The following RNF212B variants were observed in gnomAD, a reference collection of about 807,000 sequenced individuals.
RNF212B encodes ring finger protein 212B, also known as E3 ubiquitin-protein ligase RNF212B.
In RNF212B, 52 loss-of-function variants were observed where a neutral mutation model predicts 55.5. That is an observed-to-expected ratio of 0.94 (90% CI 0.75 to 1.18). RNF212B has a LOEUF of 1.18. Ranked by LOEUF, RNF212B falls within the 50% of genes most tolerant of loss-of-function variation. RNF212B has a pLI of 0.00. For synonymous variants in RNF212B, 99 were observed against 121.4 expected (o/e 0.82, Z 1.21); for missense variants, 289 against 350.4 (o/e 0.82, Z 1.40).
At chr14:23,266,831 TA>T (rs1157649148) in intron 11 of RNF212B, among the ~76,000 whole-genome samples, 3 of 152,264 alleles carry the variant, frequency 2.0e-5, no homozygotes, top group Non-Finnish European at 4.4e-5. Context: ...TAGAGTCTGC[TA>T]GGTTTAGCTA....
intron 2 of RNF212B, among the ~76,000 whole-genome samples, chr14:23,201,806 G>T (rs1387602340): frequency 6.6e-6 from 1 of 152,062 alleles, no homozygotes; most frequent in Non-Finnish European, 1.5e-5. Context: ...ATTGAGAGAG[G>T]GGACTTAATT....
intron 4 of RNF212B, among the ~76,000 whole-genome samples, chr14:23,258,287 G>A (rs999160453): frequency 2.7e-5 from 4 of 147,690 alleles, no homozygotes; most frequent in African/African-American, 7.6e-5. Context: ...ACGGTGAGCC[G>A]AGATCGCACT....
At position 23,253,515 on chromosome 14, in the gene RNF212B, A is replaced by G. The variant is rs76042481; in HGVS notation, c.229-5034A>G. On this transcript the variant is annotated intron_variant, in intron 4 of 14. Coordinates refer to ENST00000430154, the MANE Select transcript of RNF212B (RefSeq NM_001282322.3). ...TTAGGTAAGTTTAGGGTTTATCACC[A>G]TCATTGGTTTGGGGGCGGGGAAAGG... 6.5e-3 allele frequency among the ~76,000 whole-genome samples: 988 copies of G among 152,136 alleles called. 12 individuals are homozygous for G. The highest frequency in any genetic ancestry group is 0.022 in the African/African-American group (930 of 41,524).
chr14:23,244,555 G>C lies in RNF212B; in HGVS notation c.228+159G>C, dbSNP rs544667362. Among the ~76,000 whole-genome samples the C allele has an allele frequency of 3.9e-5, 6 of 152,190 alleles. No homozygotes were observed. In the East Asian group the frequency reaches 1.2e-3, roughly 29 times the overall value. ...TCCTTGATGATACAAATTTCAATCA[G>C]TTAACTTTTTATTGACCCAGAATCT... On this transcript the variant is annotated intron_variant, in intron 4 of 14. Coordinates refer to ENST00000430154, the MANE Select transcript of RNF212B (RefSeq NM_001282322.3).
intron 2 of RNF212B, among the ~76,000 whole-genome samples, chr14:23,194,222 G>A (rs1218174661): frequency 6.6e-6 from 1 of 152,048 alleles, no homozygotes; most frequent in Non-Finnish European, 1.5e-5. Context: ...GGCAGCAATG[G>A]TATTATCAGT....
intron 2 of RNF212B, among the ~76,000 whole-genome samples, chr14:23,231,696 G>A (rs1243613646): frequency 6.6e-6 from 1 of 152,086 alleles, no homozygotes; most frequent in Non-Finnish European, 1.5e-5. Context: ...CTGAGCCGAA[G>A]CTGGACTGTA....
chr14:23,232,397 C>A (rs1402608388), intron 2 of RNF212B, among the ~76,000 whole-genome samples: 1 of 151,754 alleles, frequency 6.6e-6, no homozygotes. Context: ...TGAGGATCCC[C>A]TCCGCCCGGC....
chr14:23,260,604 G>T, intron 6 of RNF212B, 55 bp from the exon 7 acceptor site: 1 of 1,500,588 alleles, frequency 6.7e-7, no homozygotes, highest in South Asian at 1.2e-5. Context: ...CTGAAGATCT[G>T]TTGATTAGGA....
chr14:23,243,154 T>A (rs1373068986), intron 2 of RNF212B, 102 bp from the exon 3 acceptor site: 1 of 791,756 alleles, frequency 1.3e-6, no homozygotes, highest in Non-Finnish European at 2.1e-6. Flanking sequence ...ACCCTTTTTT[T>A]CTTCCTTTGC....
At chr14:23,254,551 C>CT (rs1165614708) in intron 4 of RNF212B, among the ~76,000 whole-genome samples, 1 of 152,040 alleles carries the variant, frequency 6.6e-6, no homozygotes, top group Non-Finnish European at 1.5e-5. Flanking sequence ...GCATATATTA[C>CT]TTTTTTGTAT....
At position 23,273,013 on chromosome 14, in the gene RNF212B, C is replaced by T. The variant is rs1213833090; in HGVS notation, c.*122C>T. 3.4e-6 allele frequency: 2 copies of T among 587,844 alleles called. No individual in the cohort carries two copies. Among genetic ancestry groups the T allele is most frequent in the East Asian group, 6.3e-5 (2 of 31,684 alleles). The allele number at this position is 587,844 out of a possible 1,614,324, so 36.4% of individuals were successfully genotyped here. On this transcript the variant is annotated 3_prime_UTR_variant, in exon 15 of 15. Transcript: ENST00000430154. ...ATTGTTTCCTAGTTTCACTCTGTAC[C>T]TTATGCTCCCCCCATCTTTACCCTA...
At chr14:23,215,823 A>G (rs1881009216) in intron 2 of RNF212B, among the ~76,000 whole-genome samples, 1 of 152,242 alleles carries the variant, frequency 6.6e-6, no homozygotes, top group Admixed American at 6.5e-5. Context: ...ACATGGGTAA[A>G]TGTTGACTAT....
intron 3 of RNF212B, among the ~76,000 whole-genome samples, chr14:23,243,555 G>C (rs993182179): frequency 2.6e-5 from 4 of 151,588 alleles, no homozygotes; most frequent in African/African-American, 9.7e-5. Flanking sequence ...AATTAGCCAG[G>C]CGTGGTGGTG....
chr14:23,232,481 G>A (rs369173726), intron 2 of RNF212B, among the ~76,000 whole-genome samples: 20 of 149,122 alleles, frequency 1.3e-4, no homozygotes, highest in Non-Finnish European at 2.5e-4. Context: ...GAGCCCCTCC[G>A]CCCGGCAGCC....
upstream of RNF212B, among the ~76,000 whole-genome samples, chr14:23,233,134 T>C (rs1422986686): frequency 6.6e-6 from 1 of 152,202 alleles, no homozygotes; most frequent in East Asian, 1.9e-4. Flanking sequence ...CTGAAACATG[T>C]GCTGTGTCCA....
chr14:23,250,674 G>A (rs1884339716), intron 4 of RNF212B, among the ~76,000 whole-genome samples: 1 of 152,106 alleles, frequency 6.6e-6, no homozygotes, highest in South Asian at 2.1e-4. Context: ...AATTTAGAAA[G>A]TTTATTTTGC....
intron 2 of RNF212B, among the ~76,000 whole-genome samples, chr14:23,214,150 T>C (rs1305543571): frequency 6.6e-6 from 1 of 152,056 alleles, no homozygotes; most frequent in Non-Finnish European, 1.5e-5. Flanking sequence ...CAAAAACACT[T>C]ATAAAATTTT....
At chr14:23,194,990 G>A (rs1019823219) in intron 2 of RNF212B, among the ~76,000 whole-genome samples, 14 of 151,870 alleles carry the variant, frequency 9.2e-5, no homozygotes, top group Non-Finnish European at 1.5e-4. Flanking sequence ...AGATTCTTGG[G>A]TCACAATGAA....
chr14:23,231,112 T>C (rs773495882), intron 2 of RNF212B, among the ~76,000 whole-genome samples: 6 of 152,186 alleles, frequency 3.9e-5, no homozygotes, highest in Non-Finnish European at 8.8e-5. Flanking sequence ...TTTTTGAAAT[T>C]TTATATTAAT....
Sources: gnomAD v4.1 joint callset for allele counts (sites outside exome capture counted in the v4.1 genomes callset) on GRCh38, gnomAD v4.1.1 for gene constraint, MANE v1.5 for transcripts, NCBI Gene and HGNC (gene_info 2026-07-23, HGNC 2026-07-21) for gene names.